Variants in CABLES2 observed in about 807,000 individuals in gnomAD.
CABLES2 encodes CDK5 and ABL1 enzyme substrate 2.
In CABLES2, 35 loss-of-function variants were observed where a neutral mutation model predicts 44.8. The observed-to-expected ratio is 0.78, with a 90% CI of 0.60 to 1.04. The LOEUF is 1.04. CABLES2 is among the 50% of genes least tolerant of loss of function. CABLES2 has a pLI of 0.00. For missense variants in CABLES2, 566 were observed against 615.7 expected (o/e 0.92, Z 0.85); for synonymous variants, 282 against 281.1 (o/e 1.00, Z -0.03).
Position 62,407,219 on chromosome 20 carries a change from G to GGGGCCCGGCGGGGCCGGGGGCC in CABLES2, c.36_57dup (p.Pro20GlyfsTer144), listed in dbSNP as rs1569021005. ...GCCGAGGTCGGCGCGGCGGGTGGCG[G>GGGGCCCGGCGGGGCCGGGGGCC]GGGCCCGGCGGGGCCGGGGGCCGGG... On this transcript the variant is annotated frameshift_variant, in exon 1 of 10. Transcript: ENST00000279101. LOFTEE classifies it high-confidence loss of function. 9.7e-6 allele frequency: 9 copies of GGGGCCCGGCGGGGCCGGGGGCC among 932,262 alleles called. No individual in the cohort carries two copies. The highest frequency in any genetic ancestry group is 4.8e-5 in the South Asian group (1 of 20,650). 57.7% of individuals were successfully genotyped at this position (932,262 alleles called of 1,614,324 possible).
At chr20:62,392,318 A>T in intron 8 of CABLES2, 71 bp downstream of exon 8, 1 of 1,109,726 alleles carries the variant, frequency 9.0e-7, no homozygotes, top group Non-Finnish European at 1.4e-6. Flanking sequence ...GAGAGAATCT[A>T]CCAGAAACTG....
In CABLES2 at chr20:62,390,928, G is replaced by A. The variant is rs201904252; in HGVS notation, c.*43C>T. 10 of 1,604,384 alleles carry A rather than the reference G, an allele frequency of 6.2e-6. No individual in the cohort carries two copies. The highest frequency in any genetic ancestry group is 3.3e-4 in the Middle Eastern group (2 of 6,018). On this transcript the variant is annotated 3_prime_UTR_variant, in exon 10 of 10. Coordinates refer to ENST00000279101, the MANE Select transcript of CABLES2 (RefSeq NM_031215.3). ...GCTTCAGTGGGACACCTCCCAGGCC[G>A]GCAAGTGCACCTCGGTGCCCTGAGC...
chr20:62,388,897 C>A lies in CABLES2; in HGVS notation c.*2074G>T. On this transcript the variant is annotated 3_prime_UTR_variant, in exon 10 of 10. Transcript: ENST00000279101. ...TAACTACTGGCTTTGTTGCAATAAT[C>A]CTCGAATACCACACAGTGGCAGCTT... 1 of 198,882 alleles carries A rather than the reference C, an allele frequency of 5.0e-6. No homozygotes were observed. The highest frequency in any genetic ancestry group is 1.0e-5 in the Non-Finnish European group (1 of 96,220). 12.3% of individuals were successfully genotyped at this position (198,882 alleles called of 1,614,324 possible).
intron 1 of CABLES2, among the ~76,000 whole-genome samples, chr20:62,397,850 A>G (rs552794345): frequency 6.8e-6 from 1 of 147,542 alleles, no homozygotes; most frequent in Admixed American, 6.8e-5. Context: ...CCTGCCCTGC[A>G]GGGCTGTTGG....
chr20:62,391,494 C>A lies in CABLES2; in HGVS notation c.1092-41G>T, dbSNP rs199691774. On this transcript the variant is annotated intron_variant, in intron 8 of 9. Coordinates refer to ENST00000279101, the MANE Select transcript of CABLES2 (RefSeq NM_031215.3). This position sits in a 1 kb window ranked among gnomAD's most constrained non-coding sequence, Gnocchi z 5.7. The stretch of plus-strand genomic sequence containing the variant: ...GAAGCCATGTCCCTGGGGGCTCTGG[C>A]TGGGGCTGAGGAGGCAGCCCCCTGC... The A allele has an allele frequency of 4.4e-6, 7 of 1,602,398 alleles. No homozygotes were observed. Among genetic ancestry groups the A allele is most frequent in the Non-Finnish European group, 6.0e-6 (7 of 1,171,412 alleles).
chr20:62,401,522 CCCCACAGAG>C (rs920826251), intron 1 of CABLES2, among the ~76,000 whole-genome samples: 3 of 152,252 alleles, frequency 2.0e-5, no homozygotes, highest in African/African-American at 7.2e-5. Context: ...TCGCCCCGGG[CCCCACAGAG>C]AGGTGTCGGT....
chr20:62,394,833 C>T (rs956125995), intron 4 of CABLES2, 104 bp downstream of exon 4: 4 of 1,030,186 alleles, frequency 3.9e-6, no homozygotes, highest in African/African-American at 1.6e-5. Context: ...GGCAGCCGCA[C>T]CTGGGGGCGC....
rs958319664 is a variant in CABLES2 at position 62,390,193 on chromosome 20, G to A, written c.*778C>T. The A allele has an allele frequency of 5.9e-5, 9 of 152,556 alleles. No homozygotes were observed. Among genetic ancestry groups the A allele is most frequent in the African/African-American group, 2.2e-4 (9 of 41,444 alleles). The allele number at this position is 152,556 out of a possible 1,614,324, so 9.5% of individuals were successfully genotyped here. On this transcript the variant is annotated 3_prime_UTR_variant, in exon 10 of 10. Coordinates refer to ENST00000279101, the MANE Select transcript of CABLES2 (RefSeq NM_031215.3). ...GAGTGTCTCCTGGTGAGAGGCAGAG[G>A]GTAGAGCATGGCATGGGATGGGCAG...
At chr20:62,398,109 G>GTGGAGGTGGTGGTGGTGA (rs1988091108) in intron 1 of CABLES2, among the ~76,000 whole-genome samples, 2 of 104,838 alleles carry the variant, frequency 1.9e-5, no homozygotes, top group Non-Finnish European at 4.1e-5. Flanking sequence ...GGTGGTGATG[G>GTGGAGGTGGTGGTGGTGA]TGGTGGTGGT....
In CABLES2 at chr20:62,396,372, CCTTTAT is replaced by C; in HGVS notation, c.464_469del (p.His155_Gly157delinsArg). 1 of 1,614,000 alleles carries C rather than the reference CCTTTAT, an allele frequency of 6.2e-7. No homozygotes were observed. The highest frequency in any genetic ancestry group is 8.5e-7 in the Non-Finnish European group (1 of 1,179,988). On this transcript the variant is annotated inframe_deletion, in exon 3 of 10. Coordinates refer to ENST00000279101, the MANE Select transcript of CABLES2 (RefSeq NM_031215.3). This position sits in a 1 kb window ranked among gnomAD's most constrained non-coding sequence, Gnocchi z 5.7. ...CTTGATGAAGTGGGTCTTCTTCAGG[CCTTTAT>C]GTCTCGGTGATCCAGATGTGTGTTT...
intron 1 of CABLES2, among the ~76,000 whole-genome samples, chr20:62,406,665 C>T (rs1248531473): frequency 6.6e-6 from 1 of 152,012 alleles, no homozygotes; most frequent in Non-Finnish European, 1.5e-5. Context: ...TGACCCTGAC[C>T]CCTGTGTCCT....
intron 4 of CABLES2, among the ~76,000 whole-genome samples, chr20:62,394,489 T>C (rs1012920477): frequency 6.6e-6 from 1 of 152,166 alleles, no homozygotes; most frequent in Non-Finnish European, 1.5e-5. Flanking sequence ...CACTGGCTGG[T>C]AGAGCCCCCG....
At chr20:62,394,078 G>T in intron 5 of CABLES2, 79 bp downstream of exon 5, 1 of 1,060,074 alleles carries the variant, frequency 9.4e-7, no homozygotes, top group Non-Finnish European at 1.5e-6. Flanking sequence ...TGTGCCTCGT[G>T]GGCACTGACG....
In CABLES2 at chr20:62,389,565, G is replaced by A. The variant is rs1413876370; in HGVS notation, c.*1406C>T. 1 of 152,228 alleles carries A rather than the reference G, an allele frequency of 6.6e-6. No homozygotes were observed. Among genetic ancestry groups the A allele is most frequent in the Non-Finnish European group, 1.5e-5 (1 of 68,042 alleles). The allele number at this position is 152,228 out of a possible 1,614,324, so 9.4% of individuals were successfully genotyped here. A position where few individuals can be genotyped will look rare whatever the true frequency, so the allele number is the denominator to read the frequency against. On this transcript the variant is annotated 3_prime_UTR_variant, in exon 10 of 10. Coordinates refer to ENST00000279101, the MANE Select transcript of CABLES2 (RefSeq NM_031215.3). Reference sequence around the variant, plus strand: ...AGCACCAGTCTGCACAGAAAGCATAGGATGTATTGTATTAATGGGCTAGAG... The same window carrying A: ...AGCACCAGTCTGCACAGAAAGCATAAGATGTATTGTATTAATGGGCTAGAG...
chr20:62,392,995 G>A lies in CABLES2; in HGVS notation c.909C>T (p.Tyr303=). 6.2e-7 allele frequency: 1 copy of A among 1,613,962 alleles called. No homozygotes were observed. The highest frequency in any genetic ancestry group is 8.5e-7 in the Non-Finnish European group (1 of 1,179,964). Reference sequence around the variant, plus strand: ...GCGGGTCATCCAGGAGGTTGGGGTTGTACTCCAGGGTGTCCCCCACGTCAC... The same window carrying A: ...GCGGGTCATCCAGGAGGTTGGGGTTATACTCCAGGGTGTCCCCCACGTCAC... The part of the protein sequence containing the change: ...LGSDVGDTLE[Y]NPNLLDDPQW... Residue 303 remains tyrosine (Y), a synonymous_variant, in exon 7 of 10, where the codon TAC becomes TAT. Transcript: ENST00000279101.
Position 62,391,334 on chromosome 20 carries a change from C to A in CABLES2, c.1211G>T (p.Arg404Leu), listed in dbSNP as rs148608970. ...VLQGKLSKQN[R>L]KLCAGACVLL... ...CACGCAGGCGCCAGCGCACAGCTTGCGGTTCTGTTTGCTGAGCTTGCCCTG... is the reference window on the plus strand; with the variant it reads ...CACGCAGGCGCCAGCGCACAGCTTGAGGTTCTGTTTGCTGAGCTTGCCCTG... The change falls in exon 9 of 10, where the codon CGC becomes CTC. Residue 404 changes from arginine to leucine, a missense_variant. This residue lies in a region of CABLES2 where 436 missense variants were observed against 536.3 expected (regional missense o/e 0.81). Coordinates refer to ENST00000279101, the MANE Select transcript of CABLES2 (RefSeq NM_031215.3). This position sits in a 1 kb window ranked among gnomAD's most constrained non-coding sequence, Gnocchi z 5.7. 1 of 1,613,228 alleles carries A rather than the reference C, an allele frequency of 6.2e-7. No homozygotes were observed. The highest frequency in any genetic ancestry group is 1.3e-5 in the African/African-American group (1 of 74,954).
chr20:62,400,583 CTGTG>C (rs1331237314), intron 1 of CABLES2, among the ~76,000 whole-genome samples: 2 of 152,186 alleles, frequency 1.3e-5, no homozygotes, highest in African/African-American at 4.8e-5. Context: ...GAGGACCAGC[CTGTG>C]TGTCTTTCTG....
chr20:62,391,437 G>A lies in CABLES2; in HGVS notation c.1108C>T (p.Arg370Trp), dbSNP rs756963039. 63 of 1,612,960 alleles carry A rather than the reference G, an allele frequency of 3.9e-5. No homozygotes were observed. Among genetic ancestry groups the A allele is most frequent in the Non-Finnish European group, 4.8e-5 (57 of 1,179,992 alleles). The change falls in exon 9 of 10, where the codon CGG (arginine) becomes TGG (tryptophan). Residue 370 changes from arginine to tryptophan, a missense_variant. Arg to Trp is a moderately radical substitution (Grantham distance 101, BLOSUM62 -3). Around this residue, in one of 2 missense-constraint regions of CABLES2, gnomAD observed 436 missense variants for 536.3 expected, o/e 0.81. Coordinates refer to ENST00000279101, the MANE Select transcript of CABLES2 (RefSeq NM_031215.3). This position sits in a 1 kb window ranked among gnomAD's most constrained non-coding sequence, Gnocchi z 5.7. Reference sequence around the variant, plus strand: ...AGGCTGCACTCCTCCGACAGGCTCCGCATCTCCCGCTTTAAGCTGTGGGTT... The same window carrying A: ...AGGCTGCACTCCTCCGACAGGCTCCACATCTCCCGCTTTAAGCTGTGGGTT... ...SKIRSLKREM[R>W]SLSEECSLEP...
Position 62,396,730 on chromosome 20 carries a change from C to T in CABLES2, c.363-138G>A, listed in dbSNP as rs1333941674. 3.4e-5 allele frequency: 29 copies of T among 842,096 alleles called. No individual in the cohort carries two copies. The East Asian group carries it at 7.7e-4, about 22-fold the overall frequency. The allele number at this position is 842,096 out of a possible 1,614,324, so 52.2% of individuals were successfully genotyped here. On this transcript the variant is annotated intron_variant, in intron 1 of 9. Transcript: ENST00000279101. The surrounding 1 kb of genome is among the most constrained non-coding windows in gnomAD (Gnocchi z 5.7). Reference sequence around the variant, plus strand: ...GCGCACCCATGGGCCGAGGGGCTTCCAGAGCCCATGCAGACTGAGGCGGGG... The same window carrying T: ...GCGCACCCATGGGCCGAGGGGCTTCTAGAGCCCATGCAGACTGAGGCGGGG...
Sources: allele counts gnomAD v4.1 joint callset (sites outside exome capture counted in the v4.1 genomes callset), GRCh38; gene constraint gnomAD v4.1.1; regional missense constraint gnomAD v4.1.1; non-coding constraint Gnocchi (gnomAD v3.1); transcripts MANE v1.5; gene names NCBI Gene and HGNC (gene_info 2026-07-23, HGNC 2026-07-21).